Variants in TNR observed in about 807,000 individuals in gnomAD.
The protein encoded by TNR is tenascin-R.
A neutral mutation model predicts 150.4 loss-of-function variants in TNR; 45 were observed. The observed-to-expected ratio is 0.30, with a 90% confidence interval of 0.24 to 0.38. The LOEUF (loss-of-function observed/expected upper bound fraction) is 0.38. Among genes scored for constraint, TNR ranks in the 10% least tolerant of loss-of-function variants. TNR has a pLI of 1.00. For synonymous variants in TNR, 687 were observed against 678.4 expected (o/e 1.01, Z -0.20); for missense variants, 1,544 against 1,759.1 (o/e 0.88, Z 2.19).
intron 1 of TNR, among the ~76,000 whole-genome samples, chr1:175,547,686 G>GA (rs1228436534): frequency 6.6e-6 from 1 of 151,630 alleles, no homozygotes; most frequent in Non-Finnish European, 1.5e-5. Flanking sequence ...GAGAGAGAAA[G>GA]AAAGAAAAAA....
At chr1:175,331,196 T>C (rs1476883616) in intron 20 of TNR, among the ~76,000 whole-genome samples, 1 of 135,224 alleles carries the variant, frequency 7.4e-6, no homozygotes, top group Non-Finnish European at 1.6e-5. Flanking sequence ...CTTCCTTCCT[T>C]CCTTCCTTCC....
chr1:175,533,885 C>A, intron 1 of TNR, among the ~76,000 whole-genome samples: 1 of 152,082 alleles, frequency 6.6e-6, no homozygotes. Context: ...CATGGGGTTG[C>A]AGGGTCCCTC....
At chr1:175,377,271 T>A (rs1417766076) in intron 9 of TNR, among the ~76,000 whole-genome samples, 1 of 152,176 alleles carries the variant, frequency 6.6e-6, no homozygotes, top group African/African-American at 2.4e-5. Context: ...CGGATCTTCT[T>A]TTTTCCCGGT....
intron 1 of TNR, among the ~76,000 whole-genome samples, chr1:175,666,307 T>C (rs1386492132): frequency 2.0e-5 from 3 of 152,172 alleles, no homozygotes; most frequent in African/African-American, 7.2e-5. Context: ...GTGCTTTCCC[T>C]TCCTGCTTCT....
At chr1:175,372,002 G>A (rs1557891744) in intron 9 of TNR, among the ~76,000 whole-genome samples, 1 of 151,826 alleles carries the variant, frequency 6.6e-6, no homozygotes, top group Non-Finnish European at 1.5e-5. Context: ...TTGGGTCATG[G>A]GGGTGGATCC....
At chr1:175,594,167 T>TA (rs1239997695) in intron 1 of TNR, among the ~76,000 whole-genome samples, 3 of 152,214 alleles carry the variant, frequency 2.0e-5, no homozygotes, top group Non-Finnish European at 4.4e-5. Context: ...TCAGGTACTA[T>TA]AATTTTCCAG....
intron 1 of TNR, among the ~76,000 whole-genome samples, chr1:175,692,743 T>G (rs1450948182): frequency 6.6e-6 from 1 of 152,100 alleles, no homozygotes; most frequent in Non-Finnish European, 1.5e-5. Flanking sequence ...AGAAGAGTCA[T>G]GAACTTCACA....
chr1:175,595,099 G>A (rs757748324), intron 1 of TNR, among the ~76,000 whole-genome samples: 2 of 152,070 alleles, frequency 1.3e-5, no homozygotes, highest in African/African-American at 2.4e-5. Flanking sequence ...CCTGGGAGAC[G>A]GAGGTTGCAG....
At chr1:175,702,073 A>G (rs1666713386) in intron 1 of TNR, among the ~76,000 whole-genome samples, 1 of 152,230 alleles carries the variant, frequency 6.6e-6, no homozygotes, top group African/African-American at 2.4e-5. Context: ...TGTCTTCTAT[A>G]AAGGGCAAGT....
intron 1 of TNR, among the ~76,000 whole-genome samples, chr1:175,562,993 T>C (rs1221655177): frequency 6.6e-6 from 1 of 151,790 alleles, no homozygotes; most frequent in Non-Finnish European, 1.5e-5. Context: ...AATGGAGAGG[T>C]TGAATCAGGA....
chr1:175,641,627 C>T (rs1664663452), intron 1 of TNR, among the ~76,000 whole-genome samples: 1 of 152,116 alleles, frequency 6.6e-6, no homozygotes, highest in African/African-American at 2.4e-5. Flanking sequence ...TTGTCTTTAG[C>T]TAGGATAAAA....
intron 1 of TNR, among the ~76,000 whole-genome samples, chr1:175,645,535 C>T (rs1212953466): frequency 6.6e-6 from 1 of 152,174 alleles, no homozygotes; most frequent in African/African-American, 2.4e-5. Flanking sequence ...CATTGAACGA[C>T]ATAATGGACA....
intron 2 of TNR, among the ~76,000 whole-genome samples, chr1:175,526,098 T>C (rs776135567): frequency 6.6e-5 from 10 of 152,176 alleles, no homozygotes; most frequent in Non-Finnish European, 1.2e-4. Context: ...GCTATATCTA[T>C]TTGGCTTGAT....
intron 1 of TNR, among the ~76,000 whole-genome samples, chr1:175,684,915 C>G (rs1234944717): frequency 2.0e-5 from 3 of 152,208 alleles, no homozygotes; most frequent in Non-Finnish European, 4.4e-5. Flanking sequence ...CCACACACTC[C>G]TCTTCCTCAG....
intron 1 of TNR, among the ~76,000 whole-genome samples, chr1:175,579,588 A>G (rs998845337): frequency 6.6e-6 from 1 of 151,444 alleles, no homozygotes; most frequent in African/African-American, 2.4e-5. Context: ...GATGAATGGG[A>G]TGGTCAAGGT....
intron 12 of TNR, 88 bp downstream of exon 12, chr1:175,364,922 G>T (rs1651761530): frequency 6.8e-7 from 1 of 1,473,834 alleles, no homozygotes; most frequent in Admixed American, 2.1e-5. Flanking sequence ...CTACTCCTTG[G>T]GTCTTTCTCT....
chr1:175,647,876 G>A (rs139834466), intron 1 of TNR, among the ~76,000 whole-genome samples: 1 of 152,228 alleles, frequency 6.6e-6, no homozygotes, highest in Non-Finnish European at 1.5e-5. Flanking sequence ...CAGAAGCCCT[G>A]TTTTCCCAGC....
At chr1:175,477,897 G>C (rs2102124874) in intron 2 of TNR, among the ~76,000 whole-genome samples, 2 of 152,230 alleles carry the variant, frequency 1.3e-5, no homozygotes, top group Middle Eastern at 6.8e-3. Flanking sequence ...CATCCTCGGG[G>C]GTATGGATAG....
At chr1:175,693,125 A>G (rs1192861471) in intron 1 of TNR, among the ~76,000 whole-genome samples, 2 of 152,240 alleles carry the variant, frequency 1.3e-5, no homozygotes, top group Non-Finnish European at 2.9e-5. Context: ...GTTAGAGGTA[A>G]TGAGGTCACA....
Sources: allele counts gnomAD v4.1 joint callset (sites outside exome capture counted in the v4.1 genomes callset), GRCh38; gene constraint gnomAD v4.1.1; transcripts MANE v1.5; gene names NCBI Gene and HGNC (gene_info 2026-07-23, HGNC 2026-07-21).